SLCO1B1: variants seen among roughly 807,000 people sequenced by gnomAD.
SLCO1B1 encodes the protein solute carrier organic anion transporter family member 1B1.
Under a neutral mutation model 70.1 loss-of-function variants are expected in SLCO1B1, and 81 were observed. The ratio of observed to expected loss-of-function variants is 1.16; its 90% CI spans 0.97 to 1.39. The LOEUF is 1.39. Among genes scored for constraint, SLCO1B1 ranks in the 40% most tolerant of loss-of-function variants. SLCO1B1 has a pLI of 0.00. For missense variants in SLCO1B1, 895 were observed against 799.6 expected (o/e 1.12, Z -1.44); for synonymous variants, 283 against 271.5 (o/e 1.04, Z -0.42).
chr12:21,192,535 CTTAG>C (rs1400042178), intron 7 of SLCO1B1, among the ~76,000 whole-genome samples: 2 of 151,580 alleles, frequency 1.3e-5, no homozygotes, highest in Non-Finnish European at 2.9e-5. Context: ...AAGATCAACA[CTTAG>C]TTGTGTTGAT....
At chr12:21,142,066 C>A (rs537142331) in intron 2 of SLCO1B1, among the ~76,000 whole-genome samples, 2,213 of 44,364 alleles carry the variant, frequency 0.05, 48 homozygotes, top group African/African-American at 0.084. Context: ...TTTAAAAATT[C>A]TTTTAAAAAA....
chr12:21,216,455 T>G (rs1941358585), intron 11 of SLCO1B1, among the ~76,000 whole-genome samples: 1 of 152,190 alleles, frequency 6.6e-6, no homozygotes. Context: ...CTATATAAAC[T>G]GTTCAACTGA....
At chr12:21,233,557 A>G (rs1941564142) in intron 14 of SLCO1B1, among the ~76,000 whole-genome samples, 2 of 122,976 alleles carry the variant, frequency 1.6e-5, no homozygotes, top group African/African-American at 6.0e-5. Flanking sequence ...GACCTCAAAA[A>G]AAAAACAAAC....
intron 2 of SLCO1B1, among the ~76,000 whole-genome samples, chr12:21,158,803 G>A (rs998164719): frequency 6.6e-6 from 1 of 151,698 alleles, no homozygotes; most frequent in Non-Finnish European, 1.5e-5. Context: ...CATTTTACTG[G>A]ATCTTGGGTG....
Position 21,224,778 on chromosome 12 carries a change from T to C in SLCO1B1, c.1804T>C (p.Trp602Arg). 6.2e-7 allele frequency: 1 copy of C among 1,612,536 alleles called. No homozygotes were observed. The highest frequency in any genetic ancestry group is 8.5e-7 in the Non-Finnish European group (1 of 1,179,122). Residue 602 changes from tryptophan to arginine, a missense_variant, in exon 14 of 15, where the codon TGG becomes CGG. Trp to Arg is a moderately radical substitution (Grantham distance 101, BLOSUM62 -3). Transcript: ENST00000256958. ...GALIDTTCIK[W>R]STNNCGTRGS... The stretch of plus-strand genomic sequence containing the variant: ...TCTGATTGATACAACGTGTATAAAG[T>C]GGTCCACCAACAACTGTGGCACACG...
At chr12:21,214,624 A>C (rs890232605) in intron 11 of SLCO1B1, among the ~76,000 whole-genome samples, 2 of 150,294 alleles carry the variant, frequency 1.3e-5, no homozygotes, top group Non-Finnish European at 3.0e-5. Flanking sequence ...TGTTTTTCCT[A>C]ATCAAGCCTG....
At chr12:21,133,897 C>G (rs559554917) in intron 1 of SLCO1B1, among the ~76,000 whole-genome samples, 2 of 152,180 alleles carry the variant, frequency 1.3e-5, no homozygotes, top group African/African-American at 4.8e-5. Context: ...GAGAGGGCAT[C>G]CCTGTCTTGT....
At chr12:21,182,589 C>T (rs535787598) in intron 7 of SLCO1B1, among the ~76,000 whole-genome samples, 2 of 152,302 alleles carry the variant, frequency 1.3e-5, no homozygotes, top group African/African-American at 4.8e-5. Context: ...AATATGTGCA[C>T]AGCACAGCCT....
intron 9 of SLCO1B1, among the ~76,000 whole-genome samples, chr12:21,201,763 G>A (rs1941160769): frequency 6.6e-6 from 1 of 152,044 alleles, no homozygotes; most frequent in Non-Finnish European, 1.5e-5. Context: ...AATATCCTCA[G>A]CCACACTGCC....
intron 7 of SLCO1B1, among the ~76,000 whole-genome samples, chr12:21,191,931 A>G (rs1941034036): frequency 6.6e-6 from 1 of 152,022 alleles, no homozygotes; most frequent in African/African-American, 2.4e-5. Context: ...GCTTGGTGAT[A>G]TTTGTTAAAC....
At chr12:21,132,870 C>A (rs1411086388) in intron 1 of SLCO1B1, among the ~76,000 whole-genome samples, 1 of 152,234 alleles carries the variant, frequency 6.6e-6, no homozygotes, top group African/African-American at 2.4e-5. Context: ...GCTTTTGTTG[C>A]CATTGCTTTT....
Position 21,189,529 on chromosome 12 carries a change from T to A in SLCO1B1, c.728-7417T>A, listed in dbSNP as rs150283281. On this transcript the variant is annotated intron_variant, in intron 7 of 14. Transcript: ENST00000256958. ...GTTGTGTGATCTCAGCTCACTGCAA[T>A]CTCTGCCTGCCAGGTTCCAGTGATT... Among the ~76,000 whole-genome samples, 251 of 152,064 alleles carry A rather than the reference T, an allele frequency of 1.7e-3. 1 individual carries two copies. Among genetic ancestry groups the A allele is most frequent in the African/African-American group, 5.7e-3 (238 of 41,500 alleles).
At chr12:21,179,071 T>C (rs970570808) in intron 7 of SLCO1B1, 51 bp downstream of exon 7, 2 of 1,128,358 alleles carry the variant, frequency 1.8e-6, no homozygotes, top group Non-Finnish European at 1.4e-6. Flanking sequence ...TAAGCACACA[T>C]GCGAAAAACA....
intron 11 of SLCO1B1, among the ~76,000 whole-genome samples, chr12:21,214,724 GC>G (rs1194651387): frequency 6.6e-6 from 1 of 152,074 alleles, no homozygotes. Context: ...GACTCCATGG[GC>G]GTAGGACCCT....
intron 2 of SLCO1B1, among the ~76,000 whole-genome samples, chr12:21,167,533 C>T (rs942942346): frequency 5.9e-5 from 9 of 152,142 alleles, no homozygotes; most frequent in Admixed American, 4.6e-4. Context: ...GGAGACCACT[C>T]ACATTACTTT....
At chr12:21,173,041 T>C (rs1229260688) in intron 3 of SLCO1B1, among the ~76,000 whole-genome samples, 1 of 152,204 alleles carries the variant, frequency 6.6e-6, no homozygotes, top group East Asian at 1.9e-4. Context: ...CTGAAAATGT[T>C]GATAGTGAGG....
At chr12:21,146,712 G>A (rs1047809792) in intron 2 of SLCO1B1, among the ~76,000 whole-genome samples, 4 of 151,728 alleles carry the variant, frequency 2.6e-5, no homozygotes, top group African/African-American at 7.3e-5. Flanking sequence ...TTAAAAGTGT[G>A]GTAGTTAATC....
At chr12:21,178,067 A>G (rs1337702421) in intron 5 of SLCO1B1, among the ~76,000 whole-genome samples, 1 of 152,116 alleles carries the variant, frequency 6.6e-6, no homozygotes, top group Non-Finnish European at 1.5e-5. Context: ...GCTTTTCTGT[A>G]TGATATGGCT....
chr12:21,236,297 C>T (rs4149084), intron 14 of SLCO1B1, among the ~76,000 whole-genome samples: 48,303 of 151,926 alleles, frequency 0.32, 8,247 homozygotes, highest in East Asian at 0.45. Flanking sequence ...GTCCTGCTGT[C>T]TCCCCAAAGT....
Sources: gnomAD v4.1 joint callset for allele counts (sites outside exome capture counted in the v4.1 genomes callset) on GRCh38, gnomAD v4.1.1 for gene constraint, MANE v1.5 for transcripts, NCBI Gene and HGNC (gene_info 2026-07-23, HGNC 2026-07-21) for gene names.